Variants in PIP5K1B observed in about 807,000 individuals in gnomAD.
The protein encoded by PIP5K1B is phosphatidylinositol-4-phosphate 5-kinase type 1 beta, also known as phosphatidylinositol 4-phosphate 5-kinase type-1 beta.
A neutral mutation model predicts 67.0 loss-of-function variants in PIP5K1B; 42 were observed. The ratio of observed to expected loss-of-function variants is 0.63; its 90% CI spans 0.49 to 0.81. The LOEUF is 0.81. Ranked by LOEUF, PIP5K1B falls within the 30% of genes least tolerant of loss-of-function variation. PIP5K1B has a pLI of 0.00. For missense variants in PIP5K1B, 459 were observed against 646.3 expected, an observed-to-expected ratio of 0.71 and a Z score of 3.14; for synonymous variants, 214 against 231.4, an observed-to-expected ratio of 0.92 and a Z score of 0.68.
At chr9:68,945,149 G>A (rs552132197) in intron 14 of PIP5K1B, among the ~76,000 whole-genome samples, 2 of 151,516 alleles carry the variant, frequency 1.3e-5, no homozygotes, top group Non-Finnish European at 2.9e-5. Context: ...TTGGGTTTTG[G>A]TTTTTTGGGT....
At chr9:68,712,057 T>A (rs556918316) in intron 1 of PIP5K1B, among the ~76,000 whole-genome samples, 5 of 152,348 alleles carry the variant, frequency 3.3e-5, no homozygotes, top group Non-Finnish European at 7.3e-5. Flanking sequence ...TGATTCCCCA[T>A]GCTAGAGGTG....
intron 6 of PIP5K1B, among the ~76,000 whole-genome samples, chr9:68,886,894 T>C (rs542945587): frequency 6.6e-6 from 1 of 152,334 alleles, no homozygotes; most frequent in East Asian, 1.9e-4. Context: ...CCTTGACCTC[T>C]CTGGCTCCAT....
chr9:68,750,988 G>A (rs1449740447), intron 2 of PIP5K1B, among the ~76,000 whole-genome samples: 1 of 152,200 alleles, frequency 6.6e-6, no homozygotes, highest in Non-Finnish European at 1.5e-5. Context: ...GACTGCCTGG[G>A]AGTGCCTTTC....
At chr9:68,984,285 G>A (rs1165365883) in intron 14 of PIP5K1B, among the ~76,000 whole-genome samples, 1 of 152,192 alleles carries the variant, frequency 6.6e-6, no homozygotes, top group East Asian at 1.9e-4. Flanking sequence ...GCCTGTTAAT[G>A]CTTTCTCAGC....
chr9:68,942,941 A>G (rs949736977), intron 14 of PIP5K1B, among the ~76,000 whole-genome samples: 1 of 152,186 alleles, frequency 6.6e-6, no homozygotes, highest in Admixed American at 6.5e-5. Context: ...CATGGGCTCC[A>G]GGCTGGCACC....
chr9:68,765,745 C>G (rs952805198), intron 2 of PIP5K1B, among the ~76,000 whole-genome samples: 9 of 152,106 alleles, frequency 5.9e-5, no homozygotes, highest in African/African-American at 2.2e-4. Context: ...AAAAGTGCCA[C>G]TTTTTGTTAT....
intron 13 of PIP5K1B, 42 bp from the exon 14 acceptor site, chr9:68,940,604 A>T: frequency 6.3e-7 from 1 of 1,591,366 alleles, no homozygotes; most frequent in Non-Finnish European, 8.6e-7. Context: ...AGCTGCATTT[A>T]TCCTTGAGAT....
intron 4 of PIP5K1B, among the ~76,000 whole-genome samples, chr9:68,834,410 C>T (rs1209868328): frequency 6.6e-6 from 1 of 152,210 alleles, no homozygotes; most frequent in Non-Finnish European, 1.5e-5. Flanking sequence ...CCTCAGCACC[C>T]TGCACTTAAC....
chr9:68,896,349 GAAA>G (rs34939621), intron 8 of PIP5K1B, among the ~76,000 whole-genome samples: 3 of 137,852 alleles, frequency 2.2e-5, no homozygotes, highest in South Asian at 2.3e-4. Context: ...TTCTCTGCCA[GAAA>G]AAAAAAAAAA....
intron 13 of PIP5K1B, among the ~76,000 whole-genome samples, chr9:68,939,084 C>T (rs1339676384): frequency 5.9e-5 from 9 of 152,172 alleles, no homozygotes; most frequent in African/African-American, 1.4e-4. Context: ...GTCTGCAGGC[C>T]CCACAACAAA....
At chr9:68,762,256 T>A (rs1296876421) in intron 2 of PIP5K1B, among the ~76,000 whole-genome samples, 5 of 148,308 alleles carry the variant, frequency 3.4e-5, no homozygotes, top group Non-Finnish European at 7.4e-5. Flanking sequence ...TTATTTCTAA[T>A]CAAAAATATC....
In PIP5K1B at chr9:68,976,097, C is replaced by T. The variant is rs552792219; in HGVS notation, c.1503-15043C>T. The stretch of plus-strand genomic sequence containing the variant: ...GTAATTTTTGTTTGTTTGAATCTGA[C>T]AGCAGCAAGTATAGAGATTGCAGAG... On this transcript the variant is annotated intron_variant, in intron 14 of 15. Transcript: ENST00000265382. 6.2e-4 allele frequency among the ~76,000 whole-genome samples: 94 copies of T among 152,300 alleles called. 1 individual carries two copies. Among genetic ancestry groups the T allele is most frequent in the Non-Finnish European group, 1.1e-3 (74 of 68,026 alleles).
chr9:68,998,402 T>C (rs1404575967), intron 15 of PIP5K1B, among the ~76,000 whole-genome samples: 1 of 152,222 alleles, frequency 6.6e-6, no homozygotes, highest in Non-Finnish European at 1.5e-5. Flanking sequence ...CTGGGTCTTT[T>C]ATTATTATAC....
chr9:68,881,885 TTA>T (rs1276558917), intron 6 of PIP5K1B, among the ~76,000 whole-genome samples: 1 of 152,206 alleles, frequency 6.6e-6, no homozygotes. Context: ...CCAGTAGAAC[TTA>T]TATGAGTCTT....
At chr9:68,830,582 G>A (rs542148754) in intron 4 of PIP5K1B, among the ~76,000 whole-genome samples, 1 of 152,264 alleles carries the variant, frequency 6.6e-6, no homozygotes, top group South Asian at 2.1e-4. Flanking sequence ...TAGACTCTCT[G>A]TGTTTTGGTC....
At chr9:68,759,498 C>T (rs1424300570) in intron 2 of PIP5K1B, among the ~76,000 whole-genome samples, 1 of 151,588 alleles carries the variant, frequency 6.6e-6, no homozygotes, top group African/African-American at 2.4e-5. Context: ...TACAAGTAAC[C>T]CAAAAGAAGG....
chr9:68,901,612 T>C (rs562806522), intron 8 of PIP5K1B, among the ~76,000 whole-genome samples: 5 of 152,364 alleles, frequency 3.3e-5, no homozygotes, highest in African/African-American at 1.2e-4. Context: ...CCATGAGATA[T>C]TTGATTTGCT....
At chr9:68,737,581 G>C (rs1404008518) in intron 1 of PIP5K1B, among the ~76,000 whole-genome samples, 14 of 152,204 alleles carry the variant, frequency 9.2e-5, no homozygotes, top group Admixed American at 9.2e-4. Flanking sequence ...TGTATCTCAG[G>C]GTTAGCAGGG....
rs183562570 is a variant in PIP5K1B at position 68,878,103 on chromosome 9, C to T, written c.318+1309C>T. Among the ~76,000 whole-genome samples, 464 of 151,238 alleles carry T rather than the reference C, an allele frequency of 3.1e-3. 3 individuals are homozygous for T. The highest frequency in any genetic ancestry group is 0.011 in the African/African-American group (440 of 41,248). On this transcript the variant is annotated intron_variant, in intron 6 of 15. Transcript: ENST00000265382. ...GCCATTCTGTAATTACTGAGGGTTGCCATCATTCAGGAAATATATTTGAGA... is the reference window on the plus strand; with the variant it reads ...GCCATTCTGTAATTACTGAGGGTTGTCATCATTCAGGAAATATATTTGAGA...
Sources: allele counts gnomAD v4.1 joint callset (sites outside exome capture counted in the v4.1 genomes callset), GRCh38; gene constraint gnomAD v4.1.1; transcripts MANE v1.5; gene names NCBI Gene and HGNC (gene_info 2026-07-23, HGNC 2026-07-21).